AKAP13: variants seen among roughly 807,000 people sequenced by gnomAD.
The protein encoded by AKAP13 is A-kinase anchoring protein 13.
In AKAP13, 80 loss-of-function variants were observed where a neutral mutation model predicts 264.5. That is an observed-to-expected ratio of 0.30 (90% CI 0.25 to 0.36). The LOEUF is 0.36. Ranked by LOEUF, AKAP13 falls within the 10% of genes least tolerant of loss-of-function variation. AKAP13 has a pLI of 1.00. For missense variants in AKAP13, 3,712 were observed against 3,435.2 expected, an observed-to-expected ratio of 1.08 and a Z score of -2.01; for synonymous variants, 1,380 against 1,250.2, an observed-to-expected ratio of 1.10 and a Z score of -2.19.
intron 1 of AKAP13, among the ~76,000 whole-genome samples, chr15:85,482,460 A>T (rs1448235394): frequency 6.6e-6 from 1 of 152,214 alleles, no homozygotes; most frequent in African/African-American, 2.4e-5. Context: ...CTTGAGGAGT[A>T]TGGTGTCTGG....
At chr15:85,565,151 G>A (rs2078558846) in intron 5 of AKAP13, among the ~76,000 whole-genome samples, 1 of 152,104 alleles carries the variant, frequency 6.6e-6, no homozygotes, top group South Asian at 2.1e-4. Flanking sequence ...TGATGTAGTA[G>A]TAATGAAACA....
chr15:85,615,323 C>CGTA (rs2080886737), intron 8 of AKAP13, among the ~76,000 whole-genome samples: 1 of 152,150 alleles, frequency 6.6e-6, no homozygotes, highest in Non-Finnish European at 1.5e-5. Context: ...TTCTCCTTTA[C>CGTA]CCTTTTACTG....
chr15:85,661,862 A>G (rs1399550155), intron 12 of AKAP13, among the ~76,000 whole-genome samples: 2 of 150,850 alleles, frequency 1.3e-5, no homozygotes, highest in African/African-American at 2.4e-5. Flanking sequence ...TGCAGAATCT[A>G]TTAATGTCTG....
chr15:85,583,323 A>C (rs2079200704), intron 7 of AKAP13, among the ~76,000 whole-genome samples: 1 of 152,208 alleles, frequency 6.6e-6, no homozygotes, highest in Non-Finnish European at 1.5e-5. Flanking sequence ...GCGCAATTTA[A>C]ATACAGTGGT....
intron 5 of AKAP13, among the ~76,000 whole-genome samples, chr15:85,548,879 T>C (rs1184093091): frequency 6.6e-6 from 1 of 151,758 alleles, no homozygotes; most frequent in Non-Finnish European, 1.5e-5. Flanking sequence ...GGTGATTCAC[T>C]TAACCTCTCC....
intron 14 of AKAP13, among the ~76,000 whole-genome samples, chr15:85,675,307 A>G (rs1362259010): frequency 6.6e-6 from 1 of 152,230 alleles, no homozygotes; most frequent in Non-Finnish European, 1.5e-5. Flanking sequence ...CTGAGAAACT[A>G]GTGTGTATTT....
chr15:85,726,302 A>T, intron 26 of AKAP13, 108 bp from the exon 27 acceptor site: 1 of 776,106 alleles, frequency 1.3e-6, no homozygotes, highest in Non-Finnish European at 2.2e-6. Flanking sequence ...TTGCCCGTAT[A>T]GGGGTGTATG....
At chr15:85,510,405 AATTAT>A (rs555922833) in intron 2 of AKAP13, among the ~76,000 whole-genome samples, 148 of 152,328 alleles carry the variant, frequency 9.7e-4, no homozygotes, top group African/African-American at 3.2e-3. Context: ...ATAAATGTAT[AATTAT>A]ATTAGTAATA....
chr15:85,530,754 C>G (rs984657657), intron 3 of AKAP13, among the ~76,000 whole-genome samples: 1 of 152,196 alleles, frequency 6.6e-6, no homozygotes, highest in Non-Finnish European at 1.5e-5. Flanking sequence ...TCCTGACTGA[C>G]ATACGTATCA....
intron 14 of AKAP13, among the ~76,000 whole-genome samples, chr15:85,672,117 G>C (rs1371246812): frequency 3.9e-5 from 6 of 152,246 alleles, no homozygotes; most frequent in Middle Eastern, 3.4e-3. Context: ...CTCACCTAGG[G>C]AACCTGATTG....
intron 1 of AKAP13, among the ~76,000 whole-genome samples, chr15:85,433,833 C>G (rs1005837338): frequency 6.6e-6 from 1 of 151,676 alleles, no homozygotes; most frequent in African/African-American, 2.4e-5. Flanking sequence ...CCCAGCTACT[C>G]GGGAGGCTGA....
intron 1 of AKAP13, among the ~76,000 whole-genome samples, chr15:85,393,396 C>T (rs1241468656): frequency 6.6e-6 from 1 of 152,192 alleles, no homozygotes; most frequent in African/African-American, 2.4e-5. Context: ...GGTGCTTCCT[C>T]TCTTCAGGGA....
Position 85,722,359 on chromosome 15 carries a change from T to C in AKAP13, c.6496+12T>C, listed in dbSNP as rs371283892. The C allele has an allele frequency of 2.6e-5, 41 of 1,597,032 alleles. No individual in the cohort carries two copies. The highest frequency in any genetic ancestry group is 3.0e-5 in the Non-Finnish European group (35 of 1,171,150). ...GCAGTGTACCAAAGGTAAGTCTCCT[T>C]TCTAACTCGGTCTTGTATGGTCATG... On this transcript the variant is annotated intron_variant, in intron 25 of 36. Transcript: ENST00000394518.
intron 1 of AKAP13, among the ~76,000 whole-genome samples, chr15:85,484,061 T>C (rs1191132735): frequency 6.6e-6 from 1 of 152,030 alleles, no homozygotes; most frequent in Non-Finnish European, 1.5e-5. Context: ...ACAAGTTAGT[T>C]AAGGTAGATT....
chr15:85,673,197 G>T (rs1466989532), intron 14 of AKAP13, among the ~76,000 whole-genome samples: 2 of 152,116 alleles, frequency 1.3e-5, no homozygotes, highest in Admixed American at 1.3e-4. Context: ...TTTCTAAGCT[G>T]GGATCTGTTT....
intron 20 of AKAP13, 199 bp from the exon 21 acceptor site, chr15:85,717,091 T>C: frequency 4.0e-6 from 2 of 504,464 alleles, no homozygotes; most frequent in Admixed American, 8.2e-5. Context: ...AATTTGAGTC[T>C]CCAGTGATAC....
intron 17 of AKAP13, among the ~76,000 whole-genome samples, chr15:85,705,670 A>C (rs1174415268): frequency 6.6e-6 from 1 of 152,302 alleles, no homozygotes; most frequent in Non-Finnish European, 1.5e-5. Context: ...ATACATAGGT[A>C]ATTTATCACA....
In AKAP13 at chr15:85,701,445, T is replaced by G. The variant is rs2085905890; in HGVS notation, c.5465-6574T>G. 2.0e-5 allele frequency among the ~76,000 whole-genome samples: 3 copies of G among 152,134 alleles called. No individual in the cohort carries two copies. In the South Asian group the frequency reaches 6.2e-4, roughly 32 times the overall value. ...AACATATTTGAGGGGTTTTTTTTGTTTTTTGTTTGTTTGAGACGGCGTCTC... is the reference window on the plus strand; with the variant it reads ...AACATATTTGAGGGGTTTTTTTTGTGTTTTGTTTGTTTGAGACGGCGTCTC... On this transcript the variant is annotated intron_variant, in intron 17 of 36. Coordinates refer to ENST00000394518, the MANE Select transcript of AKAP13 (RefSeq NM_007200.5).
chr15:85,732,057 T>C (rs1010578418), intron 30 of AKAP13, among the ~76,000 whole-genome samples: 1 of 140,104 alleles, frequency 7.1e-6, no homozygotes, highest in Non-Finnish European at 1.5e-5. Context: ...CCCTCCAGAT[T>C]GGGCAACAGA....
Sources: gnomAD v4.1 joint callset for allele counts (sites outside exome capture counted in the v4.1 genomes callset) on GRCh38, gnomAD v4.1.1 for gene constraint, MANE v1.5 for transcripts, NCBI Gene and HGNC (gene_info 2026-07-23, HGNC 2026-07-21) for gene names.